Variants in MIA3 observed in about 807,000 individuals in gnomAD.
The protein encoded by MIA3 is MIA SH3 domain ER export factor 3, also known as transport and Golgi organization protein 1 homolog.
Under a neutral mutation model 192.4 loss-of-function variants are expected in MIA3, and 90 were observed. That is an observed-to-expected ratio of 0.47 (90% CI 0.39 to 0.56). The LOEUF (loss-of-function observed/expected upper bound fraction) is 0.56. Among genes scored for constraint, MIA3 ranks in the 20% least tolerant of loss-of-function variants. MIA3 has a pLI of 0.00. For synonymous variants in MIA3, 740 were observed against 792.8 expected (o/e 0.93, Z 1.12); for missense variants, 2,123 against 2,269.4 (o/e 0.94, Z 1.31).
At position 222,627,710 on chromosome 1, in the gene MIA3, G is replaced by A. The variant is rs1337152285; in HGVS notation, c.490G>A (p.Asp164Asn). 1.2e-6 allele frequency: 2 copies of A among 1,613,566 alleles called. No homozygotes were observed. Among genetic ancestry groups the A allele is most frequent in the Non-Finnish European group, 1.7e-6 (2 of 1,179,974 alleles). ...GAAAGCTGTAGAAAAAACTTTACAG[G>A]ATATGGAAAAAAACCCTGAATTATC... is the stretch of plus-strand genomic sequence containing the variant. ...SEKAVEKTLQ[D>N]MEKNPELSKE... Residue 164 changes from aspartate to asparagine, a missense_variant, in exon 4 of 28, where the codon GAT (aspartate) becomes AAT (asparagine). By Grantham distance (23) the Asp-to-Asn change is conservative. Around this residue, in one of 3 missense-constraint regions of MIA3, gnomAD observed 1,357 missense variants for 1,396.1 expected, o/e 0.97. Transcript: ENST00000344922.
Position 222,632,244 on chromosome 1 carries a change from C to G in MIA3, c.3249C>G (p.Thr1083=), listed in dbSNP as rs1473447258. The part of the protein sequence containing the change: ...ELNVQVPEEP[T]HLDQRVIGDT... ...ATGTGCAGGTTCCTGAAGAACCCAC[C>G]CACTTGGACCAACGTGTGATTGGGG... The change falls in exon 5 of 28, where the codon ACC becomes ACG. Residue 1083 remains threonine, a synonymous_variant. Transcript: ENST00000344922. The G allele has an allele frequency of 1.2e-6, 2 of 1,614,064 alleles. No individual in the cohort carries two copies. The highest frequency in any genetic ancestry group is 3.3e-5 in the Admixed American group (2 of 60,018).
At chr1:222,665,169 G>C (rs1664214277) in intron 27 of MIA3, 140 bp from the exon 28 acceptor site, 1 of 631,164 alleles carries the variant, frequency 1.6e-6, no homozygotes, top group Admixed American at 3.3e-5. Context: ...TTACACTCCA[G>C]CCCATGTGAC....
chr1:222,644,177 T>G, intron 6 of MIA3: 1 of 673,988 alleles, frequency 1.5e-6, no homozygotes. Context: ...TTACTGGGAT[T>G]CTTCCGCTCT....
At chr1:222,665,107 G>T in intron 27 of MIA3, 1 of 556,844 alleles carries the variant, frequency 1.8e-6, no homozygotes, top group South Asian at 2.1e-5. Context: ...TCTGAGGTGG[G>T]AGGATTGATT....
Position 222,630,105 on chromosome 1 carries a change from C to T in MIA3, c.2885C>T (p.Ala962Val), listed in dbSNP as rs370486345. 50 of 1,614,042 alleles carry T rather than the reference C, an allele frequency of 3.1e-5. No homozygotes were observed. Among genetic ancestry groups the T allele is most frequent in the East Asian group, 6.7e-5 (3 of 44,896 alleles). Reference protein sequence around the residue: ...LQEMSSKLKSAQQESLPYNME... With the variant: ...LQEMSSKLKSVQQESLPYNME... ...GAAATGTCATCAAAACTGAAGTCAG[C>T]GCAGCAGGAGAGCCTGCCCTATAAT... Residue 962 changes from alanine (A) to valine (V), a missense_variant, in exon 4 of 28, where the codon GCG (alanine) becomes GTG (valine). By Grantham distance (64) the Ala-to-Val change is moderately conservative. This residue lies in a region of MIA3 where 1,357 missense variants were observed against 1,396.1 expected (regional missense o/e 0.97). Coordinates refer to ENST00000344922, the MANE Select transcript of MIA3 (RefSeq NM_198551.4).
chr1:222,624,319 G>A (rs901035565), intron 2 of MIA3, among the ~76,000 whole-genome samples: 1 of 152,120 alleles, frequency 6.6e-6, no homozygotes, highest in African/African-American at 2.4e-5. Context: ...ATAAACAAAC[G>A]TAAAGATAAA....
chr1:222,654,721 A>G lies in MIA3; in HGVS notation c.4535A>G (p.Glu1512Gly). 1 of 1,614,168 alleles carries G rather than the reference A, an allele frequency of 6.2e-7. No individual in the cohort carries two copies. The highest frequency in any genetic ancestry group is 8.5e-7 in the Non-Finnish European group (1 of 1,179,998). Residue 1512 changes from glutamate to glycine, a missense_variant, in exon 18 of 28, where the codon GAA becomes GGA. Coordinates refer to ENST00000344922, the MANE Select transcript of MIA3 (RefSeq NM_198551.4). The stretch of plus-strand genomic sequence containing the variant: ...GCTGCCAAAGCTGGACTGGAAGATG[A>G]ATGCAAAACCTTGAGGCAGAAAGTG... ...LQAAKAGLED[E>G]CKTLRQKVEI...
In MIA3 at chr1:222,627,971, A is replaced by G. The variant is rs1021730243; in HGVS notation, c.751A>G (p.Ser251Gly). 3 of 1,614,010 alleles carry G rather than the reference A, an allele frequency of 1.9e-6. No individual in the cohort carries two copies. Among genetic ancestry groups the G allele is most frequent in the African/African-American group, 2.7e-5 (2 of 74,916 alleles). Residue 251 changes from serine (S) to glycine (G), a missense_variant, in exon 4 of 28, where the codon AGT becomes GGT. Physicochemically the swap from Ser to Gly is moderately conservative, Grantham distance 56 (BLOSUM62 0). Around this residue, in one of 3 missense-constraint regions of MIA3, gnomAD observed 1,357 missense variants for 1,396.1 expected, o/e 0.97. Coordinates refer to ENST00000344922, the MANE Select transcript of MIA3 (RefSeq NM_198551.4). ...PESENNKTSN[S>G]SQVSNEQDKI... ...AAGTGAAAACAACAAAACCAGCAAT[A>G]GTTCTCAGGTCTCAAATGAACAGGA...
chr1:222,662,305 C>T lies in MIA3; in HGVS notation c.5235C>T (p.Ser1745=). 6.2e-7 allele frequency: 1 copy of T among 1,613,980 alleles called. No homozygotes were observed. Residue 1745 remains serine, a synonymous_variant, in exon 26 of 28, where the codon TCC becomes TCT. Coordinates refer to ENST00000344922, the MANE Select transcript of MIA3 (RefSeq NM_198551.4). The part of the protein sequence containing the change: ...TMMNSSSRGS[S]PTRVLDEGKV... The stretch of plus-strand genomic sequence containing the variant: ...TGAACAGCAGCTCAAGAGGCTCTTC[C>T]CCTACCAGGGTACTCGATGAAGGCA...
chr1:222,631,308 C>T (rs926414826), intron 4 of MIA3, among the ~76,000 whole-genome samples: 9 of 151,982 alleles, frequency 5.9e-5, no homozygotes, highest in African/African-American at 2.2e-4. Context: ...ATTGTAGAGA[C>T]AGGGTCTTGG....
rs1008624558 is a variant in MIA3 at position 222,651,215 on chromosome 1, T to G, written c.3909+312T>G. Among the ~76,000 whole-genome samples the G allele has an allele frequency of 2.0e-5, 3 of 151,604 alleles. No homozygotes were observed. The East Asian group carries it at 5.8e-4, about 29-fold the overall frequency. On this transcript the variant is annotated intron_variant, in intron 11 of 27. Coordinates refer to ENST00000344922, the MANE Select transcript of MIA3 (RefSeq NM_198551.4). ...TGTTTTGTTTTGTTTTGCAAAGTTTTTTTTTTTTTTTGCTATAAACATTTT... is the reference window on the plus strand; with the variant it reads ...TGTTTTGTTTTGTTTTGCAAAGTTTGTTTTTTTTTTTGCTATAAACATTTT...
At chr1:222,647,741 T>C (rs1005280318) in intron 7 of MIA3, among the ~76,000 whole-genome samples, 43 of 152,184 alleles carry the variant, frequency 2.8e-4, no homozygotes, top group African/African-American at 1.0e-3. Flanking sequence ...CACTTGACTT[T>C]TGGAACCTTG....
At chr1:222,632,367 T>C (rs753400109) in intron 5 of MIA3, 41 bp downstream of exon 5, 1 of 1,548,454 alleles carries the variant, frequency 6.5e-7, no homozygotes, top group South Asian at 1.2e-5. Context: ...GGAGAAATCA[T>C]AAAGAAGGCC....
At chr1:222,635,251 G>C (rs1275987641) in intron 6 of MIA3, among the ~76,000 whole-genome samples, 1 of 152,208 alleles carries the variant, frequency 6.6e-6, no homozygotes, top group African/African-American at 2.4e-5. Flanking sequence ...ATTATCACTT[G>C]AAAAATTTAA....
intron 13 of MIA3, 143 bp downstream of exon 13, chr1:222,652,475 C>G: frequency 1.6e-6 from 1 of 630,006 alleles, no homozygotes; most frequent in Non-Finnish European, 2.9e-6. Flanking sequence ...ACTATGCTTC[C>G]AAAATTGAGT....
At chr1:222,627,462 G>C (rs1160401531) in intron 3 of MIA3, 113 bp from the exon 4 acceptor site, 5 of 914,940 alleles carry the variant, frequency 5.5e-6, no homozygotes, top group African/African-American at 5.0e-5. Flanking sequence ...TGACGCAAAA[G>C]CTCCTCTAGA....
Position 222,666,212 on chromosome 1 carries a change from C to T in MIA3, c.*593C>T. 6.6e-6 allele frequency: 1 copy of T among 152,220 alleles called. No individual in the cohort carries two copies. The highest frequency in any genetic ancestry group is 2.1e-4 in the South Asian group (1 of 4,822). The allele number at this position is 152,220 out of a possible 1,614,324, so 9.4% of individuals were successfully genotyped here. A position where few individuals can be genotyped will look rare whatever the true frequency, so the allele number is the denominator to read the frequency against. On this transcript the variant is annotated 3_prime_UTR_variant, in exon 28 of 28. Coordinates refer to ENST00000344922, the MANE Select transcript of MIA3 (RefSeq NM_198551.4). ...GTGCCATTTGGGGAACATGTAAACT[C>T]AGGCTCCCAGAACTGAAGATGGTGG...
Position 222,622,051 on chromosome 1 carries a change from A to G in MIA3, c.267+759A>G, listed in dbSNP as rs542092959. ...GATCTCCTGACCTTGTGATCCACCC[A>G]CCTTGACCTCCCAAAGTGCTGGGAT... On this transcript the variant is annotated intron_variant, in intron 2 of 27. Coordinates refer to ENST00000344922, the MANE Select transcript of MIA3 (RefSeq NM_198551.4). 2.0e-5 allele frequency among the ~76,000 whole-genome samples: 3 copies of G among 152,168 alleles called. No individual in the cohort carries two copies. In the East Asian group the frequency reaches 5.8e-4, roughly 29 times the overall value.
chr1:222,650,469 TTAAA>T, intron 9 of MIA3, 89 bp downstream of exon 9: 1 of 833,882 alleles, frequency 1.2e-6, no homozygotes, highest in Admixed American at 2.7e-5. Flanking sequence ...TATGGTATTT[TTAAA>T]TAGTATTTAT....
Sources: allele counts gnomAD v4.1 joint callset (sites outside exome capture counted in the v4.1 genomes callset), GRCh38; gene constraint gnomAD v4.1.1; regional missense constraint gnomAD v4.1.1; transcripts MANE v1.5; gene names NCBI Gene and HGNC (gene_info 2026-07-23, HGNC 2026-07-21).